CRB1: variants seen among roughly 807,000 people sequenced by gnomAD.
The protein encoded by CRB1 is crumbs cell polarity complex component 1.
CRB1 carries 83 observed loss-of-function variants against 120.0 expected under a neutral mutation model. The observed-to-expected ratio is 0.69, with a 90% CI of 0.58 to 0.83. The LOEUF is 0.83. Among genes scored for constraint, CRB1 ranks in the 40% least tolerant of loss-of-function variants. The pLI is 0.00. For missense variants in CRB1, 1,699 were observed against 1,687.6 expected (o/e 1.01, Z -0.12); for synonymous variants, 625 against 612.5 (o/e 1.02, Z -0.30).
At chr1:197,263,047 A>C in the CRB1 span, among the ~76,000 whole-genome samples, 4 of 152,166 alleles carry the variant, frequency 2.6e-5, no homozygotes, top group African/African-American at 9.7e-5. Flanking sequence ...ATATACCCAG[A>C]AATGGGATTG....
intron 11 of CRB1, among the ~76,000 whole-genome samples, chr1:197,462,862 T>C (rs1231875289): frequency 6.7e-6 from 1 of 149,836 alleles, no homozygotes; most frequent in Non-Finnish European, 1.5e-5. Context: ...TATGCTGAGC[T>C]CAGGCAGCCT....
At chr1:197,337,325 A>G (rs1337689688) in intron 2 of CRB1, among the ~76,000 whole-genome samples, 1 of 152,208 alleles carries the variant, frequency 6.6e-6, no homozygotes, top group African/African-American at 2.4e-5. Flanking sequence ...TGCAAAGGGG[A>G]TGAGCCAAAA....
intron 1 of CRB1, among the ~76,000 whole-genome samples, chr1:197,289,308 T>C (rs1398023511): frequency 6.6e-6 from 1 of 151,862 alleles, no homozygotes; most frequent in African/African-American, 2.4e-5. Context: ...ATTTTGTTTT[T>C]GAAAATATTT....
At chr1:197,304,763 A>G (rs1657066727) in intron 1 of CRB1, among the ~76,000 whole-genome samples, 1 of 152,170 alleles carries the variant, frequency 6.6e-6, no homozygotes, top group Non-Finnish European at 1.5e-5. Flanking sequence ...ACAGCATTCC[A>G]TTGTCCACTC....
chr1:197,423,973 A>G (rs1221513507), intron 6 of CRB1, among the ~76,000 whole-genome samples: 1 of 152,232 alleles, frequency 6.6e-6, no homozygotes, highest in Non-Finnish European at 1.5e-5. Flanking sequence ...AAGAACATGC[A>G]GCATTCAAGA....
chr1:197,306,542 T>A (rs1657185334), intron 1 of CRB1, among the ~76,000 whole-genome samples: 1 of 152,126 alleles, frequency 6.6e-6, no homozygotes, highest in Admixed American at 6.6e-5. Context: ...GCAAAAAGCC[T>A]GTCATATCCA....
At chr1:197,216,519 C>T in the CRB1 span, among the ~76,000 whole-genome samples, 88,238 of 152,050 alleles carry the variant, frequency 0.58, 29,214 homozygotes, top group East Asian at 0.91. Flanking sequence ...TACTCTGTTA[C>T]CCTTAAGTTA....
chr1:197,284,929 A>G (rs989956940), intron 1 of CRB1, among the ~76,000 whole-genome samples: 3 of 151,938 alleles, frequency 2.0e-5, no homozygotes, highest in African/African-American at 7.2e-5. Context: ...TTTCACGTCA[A>G]ATAAAATTAA....
At chr1:197,277,618 T>C (rs1655286601) in intron 1 of CRB1, among the ~76,000 whole-genome samples, 1 of 152,018 alleles carries the variant, frequency 6.6e-6, no homozygotes, top group Non-Finnish European at 1.5e-5. Flanking sequence ...TGCATTATTA[T>C]TATTGTGTTT....
the CRB1 span, chr1:197,222,178 G>T: frequency 3.6e-5 from 15 of 422,234 alleles, no homozygotes; most frequent in African/African-American, 2.6e-4. Flanking sequence ...GTGTCCTGCC[G>T]GCCCGCTCCT....
intron 1 of CRB1, among the ~76,000 whole-genome samples, chr1:197,272,821 A>G (rs893450330): frequency 1.3e-5 from 2 of 152,324 alleles, no homozygotes; most frequent in East Asian, 3.9e-4. Context: ...ATTATTCTGC[A>G]TAATACTTTA....
chr1:197,215,571 C>G, the CRB1 span, among the ~76,000 whole-genome samples: 1 of 152,098 alleles, frequency 6.6e-6, no homozygotes, highest in Non-Finnish European at 1.5e-5. Context: ...CCACTGTGCC[C>G]GGCGGGAGGT....
chr1:197,243,660 G>A, the CRB1 span, among the ~76,000 whole-genome samples: 2 of 152,232 alleles, frequency 1.3e-5, no homozygotes, highest in Non-Finnish European at 1.5e-5. Context: ...TTGATTTGGG[G>A]TGGAGAATTC....
chr1:197,431,069 AAAAAATAAAAAT>A (rs565719386), intron 8 of CRB1, among the ~76,000 whole-genome samples: 13 of 152,042 alleles, frequency 8.6e-5, no homozygotes, highest in East Asian at 1.9e-4. Context: ...CTGTCTCAAA[AAAAAATAAAAAT>A]AAAAATAAAA....
At chr1:197,228,897 A>G in the CRB1 span, among the ~76,000 whole-genome samples, 1 of 152,316 alleles carries the variant, frequency 6.6e-6, no homozygotes, top group South Asian at 2.1e-4. Context: ...AGAGAAAATG[A>G]GGAGGTGCAA....
At chr1:197,381,033 C>T (rs1380777618) in intron 5 of CRB1, among the ~76,000 whole-genome samples, 2 of 152,206 alleles carry the variant, frequency 1.3e-5, no homozygotes, top group Admixed American at 6.5e-5. Flanking sequence ...AATATCGTAT[C>T]TGACAACCAT....
intron 1 of CRB1, among the ~76,000 whole-genome samples, chr1:197,322,037 G>A (rs1658225901): frequency 6.6e-6 from 1 of 152,146 alleles, no homozygotes; most frequent in Admixed American, 6.5e-5. Flanking sequence ...CGAGAAAACT[G>A]TTGAGAGTTG....
the CRB1 span, among the ~76,000 whole-genome samples, chr1:197,260,283 G>A: frequency 6.6e-6 from 1 of 151,926 alleles, no homozygotes; most frequent in Non-Finnish European, 1.5e-5. Flanking sequence ...TTTTATATAC[G>A]GGTTTCATAC....
At chr1:197,210,915 C>T in the CRB1 span, among the ~76,000 whole-genome samples, 2 of 152,050 alleles carry the variant, frequency 1.3e-5, no homozygotes, top group African/African-American at 4.8e-5. Flanking sequence ...AGCTGTTTCA[C>T]AAGTTTATTT....
Sources: allele counts gnomAD v4.1 joint callset (sites outside exome capture counted in the v4.1 genomes callset), GRCh38; gene constraint gnomAD v4.1.1; transcripts MANE v1.5; gene names NCBI Gene and HGNC (gene_info 2026-07-23, HGNC 2026-07-21).